The following R3HDM1 variants were observed in gnomAD, a reference collection of about 807,000 sequenced individuals.
R3HDM1 encodes R3H domain-containing protein 1.
A neutral mutation model predicts 141.1 loss-of-function variants in R3HDM1; 46 were observed. That is an observed-to-expected ratio of 0.33 (90% CI 0.26 to 0.42). R3HDM1 has a LOEUF of 0.42. R3HDM1 is among the 10% of genes least tolerant of loss of function. R3HDM1 has a pLI of 1.00. For missense variants in R3HDM1, 1,184 were observed against 1,368.3 expected, an observed-to-expected ratio of 0.87 and a Z score of 2.12; for synonymous variants, 435 against 472.9, an observed-to-expected ratio of 0.92 and a Z score of 1.04.
intron 16 of R3HDM1, among the ~76,000 whole-genome samples, chr2:135,647,255 G>T (rs892598234): frequency 6.6e-6 from 1 of 152,122 alleles, no homozygotes; most frequent in Non-Finnish European, 1.5e-5. Context: ...CTCTGCCTTG[G>T]CTTCAGTCAG....
chr2:135,698,905 G>C (rs1277857605), intron 21 of R3HDM1, among the ~76,000 whole-genome samples: 1 of 151,986 alleles, frequency 6.6e-6, no homozygotes, highest in Admixed American at 6.6e-5. Flanking sequence ...CTCCCAGCAG[G>C]CCCCACCTCC....
rs1329178119 is a variant in R3HDM1 at position 135,587,803 on chromosome 2, G to A, written c.-249-14697G>A. On this transcript the variant is annotated intron_variant, in intron 1 of 26. Transcript: ENST00000683871. ...CCTTTAGGATTCTGTTTGTCTGTGC[G>A]TCTCTATCTTGCCCTCCCTCTCTTT... 4.6e-5 allele frequency among the ~76,000 whole-genome samples: 7 copies of A among 151,544 alleles called. No homozygotes were observed. In the East Asian group the frequency reaches 5.8e-4, roughly 13 times the overall value.
chr2:135,692,426 C>A (rs2072559982), intron 21 of R3HDM1, among the ~76,000 whole-genome samples: 3 of 151,898 alleles, frequency 2.0e-5, no homozygotes, highest in Non-Finnish European at 4.4e-5. Context: ...AGGGCAAAAC[C>A]CTAAAAAATA....
intron 1 of R3HDM1, among the ~76,000 whole-genome samples, chr2:135,569,373 C>A (rs1299352963): frequency 6.6e-6 from 1 of 151,844 alleles, no homozygotes; most frequent in Non-Finnish European, 1.5e-5. Flanking sequence ...GTACCAGCTA[C>A]CTGGGAGGCT....
intron 20 of R3HDM1, among the ~76,000 whole-genome samples, chr2:135,678,816 A>G (rs968216484): frequency 1.5e-5 from 2 of 130,558 alleles, no homozygotes; most frequent in Non-Finnish European, 3.1e-5. Flanking sequence ...GCTAGAGTGC[A>G]GTGGCTCATT....
At chr2:135,583,003 A>C (rs1196384098) in intron 1 of R3HDM1, among the ~76,000 whole-genome samples, 1 of 152,186 alleles carries the variant, frequency 6.6e-6, no homozygotes, top group Non-Finnish European at 1.5e-5. Context: ...ACCAGTTCTT[A>C]ACATTTCGGC....
At chr2:135,642,493 T>A (rs1439758648) in intron 15 of R3HDM1, among the ~76,000 whole-genome samples, 1 of 152,188 alleles carries the variant, frequency 6.6e-6, no homozygotes, top group African/African-American at 2.4e-5. Flanking sequence ...ACTGCAGTTA[T>A]AGTACATTTC....
chr2:135,649,441 T>C (rs900087939), intron 16 of R3HDM1: 3 of 152,194 alleles, frequency 2.0e-5, no homozygotes, highest in Admixed American at 6.5e-5. Flanking sequence ...GTAATTGGAA[T>C]AGTTATTGTG....
At chr2:135,696,702 G>C (rs1399108614) in intron 21 of R3HDM1, among the ~76,000 whole-genome samples, 1 of 151,976 alleles carries the variant, frequency 6.6e-6, no homozygotes, top group Non-Finnish European at 1.5e-5. Flanking sequence ...GTATTACCCT[G>C]CTGGTGTCGA....
At chr2:135,680,132 AAAAAAACCT>A in intron 20 of R3HDM1, 32 bp from the exon 21 acceptor site, 1 of 1,592,418 alleles carries the variant, frequency 6.3e-7, no homozygotes, top group Non-Finnish European at 8.6e-7. Context: ...CAAGGCCTTG[AAAAAAACCT>A]TTTTCTCTTG....
At chr2:135,648,664 G>C (rs1474882672) in intron 16 of R3HDM1, among the ~76,000 whole-genome samples, 3 of 151,350 alleles carry the variant, frequency 2.0e-5, no homozygotes, top group Non-Finnish European at 4.4e-5. Context: ...AAGCCAATAT[G>C]TATATTACCG....
At chr2:135,719,730 A>G (rs910923212) in intron 24 of R3HDM1, among the ~76,000 whole-genome samples, 1 of 152,094 alleles carries the variant, frequency 6.6e-6, no homozygotes, top group Non-Finnish European at 1.5e-5. Context: ...GGATTCCAGA[A>G]TTTTTAAGCA....
chr2:135,681,628 C>T (rs1167778587), intron 21 of R3HDM1, among the ~76,000 whole-genome samples: 2 of 152,012 alleles, frequency 1.3e-5, no homozygotes, highest in Non-Finnish European at 2.9e-5. Context: ...CTTCATAGGA[C>T]GTGTGTGCAG....
intron 1 of R3HDM1, among the ~76,000 whole-genome samples, chr2:135,545,324 T>A (rs1449163329): frequency 6.6e-6 from 1 of 152,188 alleles, no homozygotes; most frequent in East Asian, 1.9e-4. Flanking sequence ...AATGAAATAT[T>A]TAAGTATAAT....
Position 135,724,307 on chromosome 2 carries a change from C to A in R3HDM1, c.*15C>A. 1 of 1,558,924 alleles carries A rather than the reference C, an allele frequency of 6.4e-7. No individual in the cohort carries two copies. ...GTTCTCAGTAACAGCCACCTTTGGA[C>A]CCTTCGCCTTTATGGTTCCCCTGCC... is the stretch of plus-strand genomic sequence containing the variant. On this transcript the variant is annotated 3_prime_UTR_variant, in exon 27 of 27. Transcript: ENST00000683871.
intron 1 of R3HDM1, among the ~76,000 whole-genome samples, chr2:135,558,552 AGC>A (rs1701201060): frequency 6.6e-6 from 1 of 152,216 alleles, no homozygotes; most frequent in Non-Finnish European, 1.5e-5. Flanking sequence ...GCACTCACCT[AGC>A]ATTTAGCATT....
chr2:135,690,945 G>GA (rs1487133219), intron 21 of R3HDM1, among the ~76,000 whole-genome samples: 3 of 152,222 alleles, frequency 2.0e-5, no homozygotes, highest in East Asian at 1.9e-4. Context: ...AACATTTCAT[G>GA]AAAAAACCTC....
intron 21 of R3HDM1, among the ~76,000 whole-genome samples, chr2:135,682,370 G>T (rs1359955932): frequency 6.6e-6 from 1 of 152,042 alleles, no homozygotes; most frequent in East Asian, 1.9e-4. Context: ...TTTCACGTTT[G>T]TTGTACTTGT....
chr2:135,667,394 T>TA (rs1355999407), intron 19 of R3HDM1, among the ~76,000 whole-genome samples: 2 of 101,800 alleles, frequency 2.0e-5, no homozygotes, highest in Admixed American at 1.1e-4. Context: ...TGGTAGTGTT[T>TA]TAAAAAAAAA....
Sources: gnomAD v4.1 joint callset for allele counts (sites outside exome capture counted in the v4.1 genomes callset) on GRCh38, gnomAD v4.1.1 for gene constraint, MANE v1.5 for transcripts, NCBI Gene and HGNC (gene_info 2026-07-23, HGNC 2026-07-21) for gene names.